The following NEK6 variants were observed in gnomAD, a reference collection of about 807,000 sequenced individuals.
NEK6 encodes the protein NIMA related kinase 6, also known as serine/threonine-protein kinase Nek6.
A neutral mutation model predicts 43.5 loss-of-function variants in NEK6; 27 were observed. That is an observed-to-expected ratio of 0.62 (90% CI 0.46 to 0.86). NEK6 has a LOEUF of 0.86. Among genes scored for constraint, NEK6 ranks in the 40% least tolerant of loss-of-function variants. The pLI is 0.00. For missense variants in NEK6, 318 were observed against 414.4 expected, an observed-to-expected ratio of 0.77 and a Z score of 2.02; for synonymous variants, 167 against 164.1, an observed-to-expected ratio of 1.02 and a Z score of -0.14.
At chr9:124,331,259 CA>C (rs779194493) in intron 7 of NEK6, among the ~76,000 whole-genome samples, 23 of 95,282 alleles carry the variant, frequency 2.4e-4, no homozygotes, top group Admixed American at 5.4e-4. Context: ...GACTCTGTCT[CA>C]AAAAAAAAAA....
intron 1 of NEK6, among the ~76,000 whole-genome samples, chr9:124,279,632 C>G (rs1256800326): frequency 6.6e-6 from 1 of 152,188 alleles, no homozygotes; most frequent in Non-Finnish European, 1.5e-5. Flanking sequence ...TCACTTGCCC[C>G]ACCTGTGCAG....
chr9:124,301,573 A>G (rs555698975), intron 1 of NEK6, among the ~76,000 whole-genome samples: 113 of 152,262 alleles, frequency 7.4e-4, no homozygotes, highest in Middle Eastern at 6.8e-3. Flanking sequence ...GGGGTACAGA[A>G]CTGCTCCCCA....
intron 1 of NEK6, among the ~76,000 whole-genome samples, chr9:124,289,027 G>A (rs1015506133): frequency 1.3e-5 from 2 of 151,990 alleles, no homozygotes; most frequent in African/African-American, 4.8e-5. Flanking sequence ...TTTCACCCAG[G>A]TGGAATGCAG....
intron 1 of NEK6, among the ~76,000 whole-genome samples, chr9:124,279,208 G>A (rs1466527442): frequency 2.0e-5 from 3 of 152,030 alleles, no homozygotes; most frequent in Non-Finnish European, 2.9e-5. Context: ...ACAGGGCAGG[G>A]AGCTCCCCCT....
intron 2 of NEK6, among the ~76,000 whole-genome samples, chr9:124,303,582 G>T (rs1033994924): frequency 6.6e-6 from 1 of 152,168 alleles, no homozygotes; most frequent in Admixed American, 6.5e-5. Flanking sequence ...CACTATGTTT[G>T]TGTGTGTATC....
chr9:124,267,542 C>CA (rs1182657328), intron 1 of NEK6, among the ~76,000 whole-genome samples: 3 of 152,348 alleles, frequency 2.0e-5, no homozygotes, highest in Non-Finnish European at 2.9e-5. Context: ...TTTGTCTGTG[C>CA]AGACGCTGGG....
chr9:124,269,967 A>C (rs965197187), intron 1 of NEK6, among the ~76,000 whole-genome samples: 5 of 152,108 alleles, frequency 3.3e-5, no homozygotes, highest in African/African-American at 7.2e-5. Context: ...AGTTAAATCA[A>C]GGTGTTCCCC....
chr9:124,296,266 T>TTCACACTCAG (rs1158477713), intron 1 of NEK6, among the ~76,000 whole-genome samples: 3 of 152,240 alleles, frequency 2.0e-5, no homozygotes, highest in Non-Finnish European at 4.4e-5. Flanking sequence ...TGCCTGAGTG[T>TTCACACTCAG]GAAGCCACAG....
At chr9:124,303,331 A>T (rs538118121) in intron 2 of NEK6, among the ~76,000 whole-genome samples, 17 of 150,572 alleles carry the variant, frequency 1.1e-4, no homozygotes, top group Admixed American at 1.1e-3. Flanking sequence ...CTAACTGCCT[A>T]ATCCCTCTTG....
At chr9:124,274,077 G>T (rs1408732576) in intron 1 of NEK6, among the ~76,000 whole-genome samples, 1 of 152,226 alleles carries the variant, frequency 6.6e-6, no homozygotes, top group South Asian at 2.1e-4. Context: ...GGGGACAGAG[G>T]CAGGATTGGC....
chr9:124,332,149 G>A (rs1001839175), intron 7 of NEK6, among the ~76,000 whole-genome samples: 1 of 152,264 alleles, frequency 6.6e-6, no homozygotes, highest in African/African-American at 2.4e-5. Context: ...GACCTGGGAT[G>A]TAAACTCCAG....
intron 8 of NEK6, among the ~76,000 whole-genome samples, chr9:124,344,845 C>T (rs985095549): frequency 6.6e-5 from 10 of 152,188 alleles, no homozygotes; most frequent in Admixed American, 2.0e-4. Flanking sequence ...GAGCCTTGGC[C>T]GGGACGCCGC....
intron 8 of NEK6, among the ~76,000 whole-genome samples, chr9:124,341,175 T>G (rs887839429): frequency 5.3e-5 from 8 of 152,206 alleles, no homozygotes; most frequent in Admixed American, 1.3e-4. Context: ...CCCAAGTAGC[T>G]GGGACTACAG....
chr9:124,313,762 A>G (rs1178975069), intron 3 of NEK6, among the ~76,000 whole-genome samples, 161 bp from the exon 4 acceptor site: 3 of 152,018 alleles, frequency 2.0e-5, no homozygotes, highest in African/African-American at 7.3e-5. Flanking sequence ...GGGGACCCAC[A>G]GTGAGCAAGC....
chr9:124,289,125 T>C lies in NEK6; in HGVS notation c.-29-12811T>C, dbSNP rs1025480487. Among the ~76,000 whole-genome samples the C allele has an allele frequency of 1.1e-4, 17 of 149,654 alleles. No individual in the cohort carries two copies. The South Asian group carries it at 1.9e-3, about 17-fold the overall frequency. ...CCTTCCAAAGTGCTAGGATTACAGG[T>C]GTGAGCCACCACGCCTGACCTAGTT... On this transcript the variant is annotated intron_variant, in intron 1 of 9. Coordinates refer to ENST00000320246, the MANE Select transcript of NEK6 (RefSeq NM_014397.6).
chr9:124,293,501 A>G (rs967676848), intron 1 of NEK6, among the ~76,000 whole-genome samples: 13 of 152,104 alleles, frequency 8.5e-5, no homozygotes, highest in Non-Finnish European at 2.9e-5. Flanking sequence ...TTTTTCTTCC[A>G]GAATTGGGTT....
rs1051495716 is a variant in NEK6, at chr9:124,328,093, G to C, written c.622+648G>C. 1.6e-4 allele frequency among the ~76,000 whole-genome samples: 24 copies of C among 152,324 alleles called. 1 individual carries two copies. The highest frequency in any genetic ancestry group is 1.4e-3 in the Admixed American group (22 of 15,300). Reference sequence around the variant, plus strand: ...GGCTGGACACCACCCTATGGGTCGGGGGGTGCTGAAGGGCTGGACTCCGGA... The same window carrying C: ...GGCTGGACACCACCCTATGGGTCGGCGGGTGCTGAAGGGCTGGACTCCGGA... On this transcript the variant is annotated intron_variant, in intron 7 of 9. Coordinates refer to ENST00000320246, the MANE Select transcript of NEK6 (RefSeq NM_014397.6).
chr9:124,262,322 G>A (rs1403171190), intron 1 of NEK6, among the ~76,000 whole-genome samples: 3 of 152,216 alleles, frequency 2.0e-5, no homozygotes, highest in Non-Finnish European at 2.9e-5. Flanking sequence ...TCTCAGACTC[G>A]ACTTCCAGAC....
chr9:124,282,655 C>G (rs1831968887), intron 1 of NEK6, among the ~76,000 whole-genome samples: 1 of 151,018 alleles, frequency 6.6e-6, no homozygotes, highest in South Asian at 2.1e-4. Flanking sequence ...ACTGAATACT[C>G]AGGGGCACGG....
Sources: gnomAD v4.1 joint callset for allele counts (sites outside exome capture counted in the v4.1 genomes callset) on GRCh38, gnomAD v4.1.1 for gene constraint, MANE v1.5 for transcripts, NCBI Gene and HGNC (gene_info 2026-07-23, HGNC 2026-07-21) for gene names.